MED15: variants seen among roughly 807,000 people sequenced by gnomAD.
MED15 encodes the protein mediator complex subunit 15.
A neutral mutation model predicts 118.7 loss-of-function variants in MED15; 41 were observed. The observed-to-expected ratio is 0.35, with a 90% CI of 0.27 to 0.45. The LOEUF is 0.45. MED15 is among the 20% of genes least tolerant of loss of function. The pLI is 1.00. For missense variants in MED15, 740 were observed against 1,025.5 expected, an observed-to-expected ratio of 0.72 and a Z score of 3.80; for synonymous variants, 436 against 413.9, an observed-to-expected ratio of 1.05 and a Z score of -0.65.
At chr22:20,568,734 G>A in intron 8 of MED15, 103 bp downstream of exon 8, 1 of 1,511,080 alleles carries the variant, frequency 6.6e-7, no homozygotes, top group South Asian at 1.2e-5. Flanking sequence ...GGGGCTGGGG[G>A]CTAAGTTGGT....
intron 9 of MED15, among the ~76,000 whole-genome samples, chr22:20,578,251 G>T (rs2056881396): frequency 1.3e-5 from 2 of 152,216 alleles, no homozygotes; most frequent in African/African-American, 4.8e-5. Context: ...AAGCAGGTTT[G>T]TTCATGCTTG....
At chr22:20,573,386 T>C (rs529339789) in intron 8 of MED15, among the ~76,000 whole-genome samples, 16 of 152,334 alleles carry the variant, frequency 1.1e-4, no homozygotes, top group African/African-American at 3.8e-4. Flanking sequence ...CAGACTCCCA[T>C]TGTGGACATG....
At position 20,543,110 on chromosome 22, in the gene MED15, T is replaced by TG. The variant is rs2055375287; in HGVS notation, c.156+5906_156+5907insG. ...TTCTTCCCTCAATTTCTCTCTCTTC[T>TG]TTGTGTGTGTGTGTGTGTGTGTGTG... is the stretch of plus-strand genomic sequence containing the variant. On this transcript the variant is annotated intron_variant, in intron 2 of 17. Transcript: ENST00000263205. Among the ~76,000 whole-genome samples the TG allele has an allele frequency of 3.3e-5, 3 of 91,658 alleles. No individual in the cohort carries two copies. In the East Asian group the frequency reaches 7.9e-4, roughly 24 times the overall value. 60.1% of individuals were successfully genotyped at this position (91,658 alleles called of 152,430 possible).
At position 20,586,896 on chromosome 22, in the gene MED15, G is replaced by T. The variant is rs530463696; in HGVS notation, c.*192G>T. The T allele has an allele frequency of 2.2e-6, 2 of 893,612 alleles. No homozygotes were observed. Among genetic ancestry groups the T allele is most frequent in the Non-Finnish European group, 3.3e-6 (2 of 614,138 alleles). 55.4% of individuals were successfully genotyped at this position (893,612 alleles called of 1,614,324 possible). On this transcript the variant is annotated 3_prime_UTR_variant, in exon 18 of 18. Transcript: ENST00000263205. ...AACTGGGATAGGCGCAGTGGAGCGG[G>T]TTGCTTGGGGGGCGTTGGCCGACTT...
At chr22:20,534,114 T>G (rs2054963602) in intron 1 of MED15, among the ~76,000 whole-genome samples, 1 of 152,152 alleles carries the variant, frequency 6.6e-6, no homozygotes, top group Non-Finnish European at 1.5e-5. Flanking sequence ...CCCCAGACTC[T>G]TCTGCACCCT....
intron 1 of MED15, among the ~76,000 whole-genome samples, chr22:20,515,504 C>T (rs531586051): frequency 6.6e-6 from 1 of 151,882 alleles, no homozygotes; most frequent in Non-Finnish European, 1.5e-5. Context: ...ATAAAGTTTA[C>T]GAAGGCTGGG....
rs1288659625 is a variant in MED15, at chr22:20,564,460, G to A, written c.462G>A (p.Gln154=). The change falls in exon 6 of 18, where the codon CAG becomes CAA. Residue 154 remains glutamine (Q), a synonymous_variant. Coordinates refer to ENST00000263205, the MANE Select transcript of MED15 (RefSeq NM_001003891.3). ...CTGGTCTTTTCTCAGCCCAGCTGCA[G>A]CTCCAGCAGGTGGCGCTGCAGCAGC... ...VSTATPQTQL[Q]LQQVALQQQQ... is the part of the protein sequence containing the mutation. The A allele has an allele frequency of 1.2e-6, 2 of 1,613,464 alleles. No individual in the cohort carries two copies. Among genetic ancestry groups the A allele is most frequent in the Non-Finnish European group, 1.7e-6 (2 of 1,179,930 alleles).
At chr22:20,567,038 G>GTAC (rs1315439575) in intron 7 of MED15, among the ~76,000 whole-genome samples, 2 of 152,188 alleles carry the variant, frequency 1.3e-5, no homozygotes, top group African/African-American at 4.8e-5. Context: ...CCCGCACAGG[G>GTAC]TACTGCTGCT....
intron 2 of MED15, among the ~76,000 whole-genome samples, chr22:20,547,956 C>T (rs1035530832): frequency 1.3e-5 from 2 of 152,138 alleles, no homozygotes; most frequent in Admixed American, 6.5e-5. Context: ...GCGATGATCG[C>T]GTCACTGCAC....
chr22:20,572,624 A>C (rs1366149669), intron 8 of MED15, among the ~76,000 whole-genome samples: 4 of 127,314 alleles, frequency 3.1e-5, no homozygotes, highest in Non-Finnish European at 6.8e-5. Flanking sequence ...TTTCTCCCCT[A>C]TAAAACCAAG....
At chr22:20,583,277 C>T (rs200285639) in intron 12 of MED15, 30 bp downstream of exon 12, 55 of 1,613,252 alleles carry the variant, frequency 3.4e-5, no homozygotes, top group Non-Finnish European at 4.3e-5. Context: ...GGGGCCTGCA[C>T]CCTGGGGACA....
intron 1 of MED15, among the ~76,000 whole-genome samples, chr22:20,519,228 A>AT (rs1347434152): frequency 5.3e-5 from 8 of 152,128 alleles, no homozygotes; most frequent in African/African-American, 1.9e-4. Context: ...CCAAGGCATA[A>AT]TTACCTCTAA....
intron 1 of MED15, among the ~76,000 whole-genome samples, chr22:20,524,746 G>A (rs2054573764): frequency 6.6e-6 from 1 of 152,160 alleles, no homozygotes; most frequent in African/African-American, 2.4e-5. Context: ...CTCAGCTTTT[G>A]GAGTCGCTGG....
chr22:20,507,846 G>C, intron 1 of MED15, 100 bp downstream of exon 1: 1 of 1,551,052 alleles, frequency 6.4e-7, no homozygotes, highest in Non-Finnish European at 8.7e-7. Flanking sequence ...ACGGCGCCGG[G>C]AGACAGAAGG....
chr22:20,513,853 A>T (rs1328417701), intron 1 of MED15, among the ~76,000 whole-genome samples: 2 of 152,148 alleles, frequency 1.3e-5, no homozygotes, highest in African/African-American at 4.8e-5. Flanking sequence ...GGAAATTGTT[A>T]GTAGCTTCAT....
intron 1 of MED15, among the ~76,000 whole-genome samples, chr22:20,519,197 C>T (rs2054357152): frequency 6.6e-6 from 1 of 151,994 alleles, no homozygotes; most frequent in Non-Finnish European, 1.5e-5. Flanking sequence ...GGCTAGAGAA[C>T]AGAGGGGAAT....
At chr22:20,528,650 CTG>C (rs546744055) in intron 1 of MED15, among the ~76,000 whole-genome samples, 6 of 152,306 alleles carry the variant, frequency 3.9e-5, no homozygotes, top group African/African-American at 1.4e-4. Flanking sequence ...CTTCCAGACA[CTG>C]GGCTGTGGGT....
At chr22:20,529,858 C>T (rs902768883) in intron 1 of MED15, among the ~76,000 whole-genome samples, 6 of 152,150 alleles carry the variant, frequency 3.9e-5, no homozygotes, top group Admixed American at 3.9e-4. Flanking sequence ...TCCCAAAGTG[C>T]TGGGATTACA....
At chr22:20,518,305 C>T (rs572643520) in intron 1 of MED15, among the ~76,000 whole-genome samples, 26 of 152,360 alleles carry the variant, frequency 1.7e-4, no homozygotes, top group Non-Finnish European at 3.2e-4. Flanking sequence ...ATGATTCCAT[C>T]CTTTCCATCC....
Sources: allele counts gnomAD v4.1 joint callset (sites outside exome capture counted in the v4.1 genomes callset), GRCh38; gene constraint gnomAD v4.1.1; transcripts MANE v1.5; gene names NCBI Gene and HGNC (gene_info 2026-07-23, HGNC 2026-07-21).